Variants in PREX1 observed in about 807,000 individuals in gnomAD.
The protein encoded by PREX1 is phosphatidylinositol 3,4,5-trisphosphate-dependent Rac exchanger 1 protein.
PREX1 carries 41 observed loss-of-function variants against 198.3 expected under a neutral mutation model. That is an observed-to-expected ratio of 0.21 (90% CI 0.16 to 0.27). The LOEUF (loss-of-function observed/expected upper bound fraction) is 0.27, where lower values mean the gene tolerates loss of function less well. Among genes scored for constraint, PREX1 ranks in the 10% least tolerant of loss-of-function variants. The probability of loss-of-function intolerance (pLI) is 1.00; values close to 1 mark genes in which losing one functional copy is unlikely to be tolerated. For synonymous variants in PREX1, 843 were observed against 887.2 expected (o/e 0.95, Z 0.89); for missense variants, 1,620 against 2,200.7 (o/e 0.74, Z 5.28).
chr20:48,803,461 G>C (rs1172076019), intron 1 of PREX1, among the ~76,000 whole-genome samples: 3 of 152,138 alleles, frequency 2.0e-5, no homozygotes, highest in African/African-American at 7.2e-5. Flanking sequence ...AACAGAGTGA[G>C]AGCCAGGAGT....
At chr20:48,745,875 G>A (rs541763587) in intron 2 of PREX1, among the ~76,000 whole-genome samples, 2 of 152,322 alleles carry the variant, frequency 1.3e-5, no homozygotes, top group South Asian at 4.1e-4. Flanking sequence ...AAATTGGGAG[G>A]AAAAGGGGTG....
intron 1 of PREX1, among the ~76,000 whole-genome samples, chr20:48,748,619 T>C (rs996757246): frequency 2.0e-5 from 3 of 152,232 alleles, no homozygotes; most frequent in African/African-American, 7.2e-5. Context: ...AGGAATGTAC[T>C]GTTTGAATGG....
intron 1 of PREX1, among the ~76,000 whole-genome samples, chr20:48,812,349 C>CATAAGAGGAATGGGTAAATAAT: frequency 1.3e-5 from 1 of 79,900 alleles, no homozygotes; most frequent in Non-Finnish European, 2.8e-5. Context: ...GGGTAAATAA[C>CATAAGAGGAATGGGTAAATAAT]ATAAGAGGAA....
intron 1 of PREX1, among the ~76,000 whole-genome samples, chr20:48,763,766 C>G (rs563208301): frequency 6.6e-6 from 1 of 152,132 alleles, no homozygotes; most frequent in Non-Finnish European, 1.5e-5. Flanking sequence ...ATTGATTTTT[C>G]CCAGAGCCTG....
chr20:48,685,445 C>T (rs1462317636), intron 10 of PREX1, among the ~76,000 whole-genome samples: 6 of 152,256 alleles, frequency 3.9e-5, no homozygotes, highest in Non-Finnish European at 7.3e-5. Flanking sequence ...CACTGTGCTG[C>T]ACACGTCACG....
chr20:48,677,643 G>A (rs1359651145), intron 13 of PREX1, among the ~76,000 whole-genome samples: 1 of 152,182 alleles, frequency 6.6e-6, no homozygotes, highest in Non-Finnish European at 1.5e-5. Context: ...AGCTTTTACT[G>A]AGTCCCTAGG....
chr20:48,873,320 C>T, the PREX1 span, among the ~76,000 whole-genome samples: 1 of 152,132 alleles, frequency 6.6e-6, no homozygotes, highest in Admixed American at 6.6e-5. Context: ...GAAGTCCATT[C>T]ATTCCAGGGA....
intron 1 of PREX1, among the ~76,000 whole-genome samples, chr20:48,781,990 T>C (rs1268415260): frequency 6.6e-6 from 1 of 152,224 alleles, no homozygotes; most frequent in African/African-American, 2.4e-5. Flanking sequence ...CAGATGGTGA[T>C]GAATTTGTAC....
chr20:48,681,384 C>T (rs535463955), intron 10 of PREX1, 49 bp from the exon 11 acceptor site: 1 of 1,576,234 alleles, frequency 6.3e-7, no homozygotes, highest in South Asian at 1.1e-5. Context: ...AATTCTGGGA[C>T]CACAGGAATC....
the PREX1 span, among the ~76,000 whole-genome samples, chr20:48,835,370 G>C: frequency 6.6e-6 from 1 of 152,314 alleles, no homozygotes; most frequent in East Asian, 1.9e-4. Flanking sequence ...TGTTGCTTAC[G>C]TTCTAGGGAC....
the PREX1 span, among the ~76,000 whole-genome samples, chr20:48,853,072 G>A: frequency 2.0e-5 from 3 of 152,152 alleles, no homozygotes; most frequent in African/African-American, 4.8e-5. Context: ...TGGGTGACAG[G>A]GAAGGGAGGG....
intron 1 of PREX1, among the ~76,000 whole-genome samples, chr20:48,806,030 T>C (rs2090410378): frequency 6.6e-6 from 1 of 152,178 alleles, no homozygotes; most frequent in Non-Finnish European, 1.5e-5. Context: ...CAGGTAATAC[T>C]GTGTGATAAG....
chr20:48,724,833 G>T (rs2090002607), intron 5 of PREX1, among the ~76,000 whole-genome samples: 1 of 152,200 alleles, frequency 6.6e-6, no homozygotes, highest in Non-Finnish European at 1.5e-5. Flanking sequence ...TGGTCCACAG[G>T]CTACCAGTTT....
intron 8 of PREX1, 84 bp downstream of exon 8, chr20:48,692,588 A>C: frequency 8.6e-7 from 1 of 1,168,406 alleles, no homozygotes; most frequent in African/African-American, 1.6e-5. Flanking sequence ...TAAAAGAAAA[A>C]AATATATTTA....
At chr20:48,709,759 C>T (rs978749138) in intron 5 of PREX1, among the ~76,000 whole-genome samples, 1 of 152,130 alleles carries the variant, frequency 6.6e-6, no homozygotes, top group African/African-American at 2.4e-5. Flanking sequence ...TCAATATATG[C>T]GAGCCATTAG....
the PREX1 span, among the ~76,000 whole-genome samples, chr20:48,875,951 G>T: frequency 6.6e-6 from 1 of 152,288 alleles, no homozygotes; most frequent in South Asian, 2.1e-4. Flanking sequence ...GGGAATGCTG[G>T]ACCGTTCACC....
chr20:48,661,444 A>ATATATATATAT (rs1252023480), intron 15 of PREX1, among the ~76,000 whole-genome samples: 1 of 49,598 alleles, frequency 2.0e-5, no homozygotes, highest in African/African-American at 1.9e-4. Context: ...AAAAAAAAAA[A>ATATATATATAT]ATATATATAT....
chr20:48,816,029 G>GA lies in PREX1; in HGVS notation c.219+11612dup, dbSNP rs35288307. On this transcript the variant is annotated intron_variant, in intron 1 of 39. Coordinates refer to ENST00000371941, the MANE Select transcript of PREX1 (RefSeq NM_020820.4). Reference sequence around the variant, plus strand: ...TGTCTCAAAAAAAAAAGAAAAAAAGGAAAAAAAAAAAAAAAAACAGAGAGA... The same window carrying GA: ...TGTCTCAAAAAAAAAAGAAAAAAAGGAAAAAAAAAAAAAAAAAACAGAGAGA... Among the ~76,000 whole-genome samples the GA allele has an allele frequency of 8.4e-3, 1,051 of 124,598 alleles. 5 individuals carry two copies. Among genetic ancestry groups the GA allele is most frequent in the South Asian group, 0.029 (110 of 3,792 alleles). 81.7% of individuals were successfully genotyped at this position (124,598 alleles called of 152,430 possible).
At chr20:48,737,314 G>A (rs1177440853) in intron 3 of PREX1, among the ~76,000 whole-genome samples, 1 of 150,800 alleles carries the variant, frequency 6.6e-6, no homozygotes, top group East Asian at 1.9e-4. Context: ...GAGGGTCCCA[G>A]GCAGATTTTG....
Sources: allele counts gnomAD v4.1 joint callset (sites outside exome capture counted in the v4.1 genomes callset), GRCh38; gene constraint gnomAD v4.1.1; transcripts MANE v1.5; gene names NCBI Gene and HGNC (gene_info 2026-07-23, HGNC 2026-07-21).